ALK: variants seen among roughly 807,000 people sequenced by gnomAD.
ALK encodes the protein ALK tyrosine kinase receptor.
ALK carries 74 observed loss-of-function variants against 163.1 expected under a neutral mutation model. That is an observed-to-expected ratio of 0.45 (90% CI 0.38 to 0.55). The LOEUF (loss-of-function observed/expected upper bound fraction) is 0.55, where lower values mean the gene tolerates loss of function less well. Among genes scored for constraint, ALK ranks in the 20% least tolerant of loss-of-function variants. ALK has a pLI of 0.00. For missense variants in ALK, 2,063 were observed against 2,105.3 expected (o/e 0.98, Z 0.39); for synonymous variants, 960 against 843.2 (o/e 1.14, Z -2.40).
At chr2:29,690,360 A>G (rs530519976) in intron 3 of ALK, among the ~76,000 whole-genome samples, 1 of 152,316 alleles carries the variant, frequency 6.6e-6, no homozygotes, top group South Asian at 2.1e-4. Context: ...CAGGAAGAAT[A>G]GGAGCCTCCT....
chr2:29,726,117 G>A (rs1210859039), intron 1 of ALK, among the ~76,000 whole-genome samples: 3 of 152,086 alleles, frequency 2.0e-5, no homozygotes, highest in Admixed American at 6.5e-5. Flanking sequence ...ATCCAAGACA[G>A]CAAATATCAC....
intron 3 of ALK, among the ~76,000 whole-genome samples, chr2:29,566,295 G>A (rs1193255885): frequency 6.6e-6 from 1 of 152,198 alleles, no homozygotes; most frequent in Admixed American, 6.5e-5. Context: ...CACCGAGTTT[G>A]CCAGAACTTC....
chr2:29,200,765 A>G (rs1558608751), intron 26 of ALK, among the ~76,000 whole-genome samples: 2,160 of 143,506 alleles, frequency 0.015, 86 homozygotes, highest in African/African-American at 0.052. Context: ...ATATATGTAT[A>G]TATATACGTA....
At chr2:29,604,207 T>G (rs897962417) in intron 3 of ALK, among the ~76,000 whole-genome samples, 1 of 138,900 alleles carries the variant, frequency 7.2e-6, no homozygotes, top group African/African-American at 2.6e-5. Flanking sequence ...TGGAAAGAAA[T>G]CAAAAAGAGA....
intron 1 of ALK, among the ~76,000 whole-genome samples, chr2:29,829,654 G>T (rs960324220): frequency 2.0e-5 from 3 of 152,130 alleles, no homozygotes; most frequent in Non-Finnish European, 4.4e-5. Context: ...TCACCTAAGG[G>T]GGGTAAAATA....
At chr2:29,625,990 G>C (rs1168282251) in intron 3 of ALK, among the ~76,000 whole-genome samples, 1 of 152,200 alleles carries the variant, frequency 6.6e-6, no homozygotes, top group Non-Finnish European at 1.5e-5. Context: ...TTTACCAAGA[G>C]AGCAAGATAG....
intron 4 of ALK, among the ~76,000 whole-genome samples, chr2:29,388,437 G>C (rs1669085061): frequency 6.6e-6 from 1 of 152,172 alleles, no homozygotes. Context: ...ATGCCTTTCT[G>C]AGATGGTTTT....
intron 4 of ALK, among the ~76,000 whole-genome samples, chr2:29,451,747 T>A (rs1670825183): frequency 6.6e-6 from 1 of 152,176 alleles, no homozygotes; most frequent in African/African-American, 2.4e-5. Context: ...TGCATATTTG[T>A]CTCCTAAACT....
chr2:29,306,425 T>C (rs115805944), intron 8 of ALK, among the ~76,000 whole-genome samples: 1,788 of 152,296 alleles, frequency 0.012, 37 homozygotes, highest in African/African-American at 0.041. Context: ...ATTGCAAAGA[T>C]TTTCCAGATC....
chr2:29,353,865 T>G (rs1490368243), intron 5 of ALK, among the ~76,000 whole-genome samples: 1 of 152,242 alleles, frequency 6.6e-6, no homozygotes, highest in African/African-American at 2.4e-5. Flanking sequence ...GAATTCTTCA[T>G]GGACATCCCA....
intron 4 of ALK, among the ~76,000 whole-genome samples, chr2:29,529,328 C>T (rs999734374): frequency 1.3e-5 from 2 of 152,214 alleles, no homozygotes; most frequent in Non-Finnish European, 2.9e-5. Flanking sequence ...CCCAAACCAC[C>T]GTCTCCTGTT....
intron 4 of ALK, among the ~76,000 whole-genome samples, chr2:29,402,581 T>C (rs1669474955): frequency 6.6e-6 from 1 of 152,274 alleles, no homozygotes; most frequent in Non-Finnish European, 1.5e-5. Flanking sequence ...AATAGGTTTC[T>C]ATTTTTTGGT....
intron 26 of ALK, among the ~76,000 whole-genome samples, chr2:29,204,213 C>T (rs951735368): frequency 6.6e-5 from 10 of 152,288 alleles, no homozygotes; most frequent in South Asian, 2.1e-4. Context: ...GTGCGATACA[C>T]GTGTTACAAT....
intron 4 of ALK, among the ~76,000 whole-genome samples, chr2:29,483,194 T>C (rs1475824583): frequency 6.6e-6 from 1 of 152,238 alleles, no homozygotes; most frequent in African/African-American, 2.4e-5. Context: ...CTTAGTTCTC[T>C]TAGGTACGAA....
intron 3 of ALK, among the ~76,000 whole-genome samples, chr2:29,613,919 G>C (rs60366068): frequency 0.013 from 2,017 of 152,202 alleles, 38 homozygotes; most frequent in African/African-American, 0.037. Flanking sequence ...GAAAAAGGGG[G>C]GGTTCTACAG....
intron 11 of ALK, among the ~76,000 whole-genome samples, chr2:29,273,191 G>T (rs1376587807): frequency 6.6e-6 from 1 of 152,248 alleles, no homozygotes; most frequent in African/African-American, 2.4e-5. Flanking sequence ...AGAATGGCAA[G>T]AATTGGCTCA....
chr2:29,711,886 A>C (rs1679115158), intron 2 of ALK, among the ~76,000 whole-genome samples: 1 of 152,028 alleles, frequency 6.6e-6, no homozygotes, highest in African/African-American at 2.4e-5. Flanking sequence ...AGTGTTTTGA[A>C]TGGATCTTTT....
intron 1 of ALK, among the ~76,000 whole-genome samples, chr2:29,866,978 G>C (rs551477887): frequency 1.3e-5 from 2 of 152,166 alleles, no homozygotes; most frequent in African/African-American, 4.8e-5. Context: ...TTAACCTTTT[G>C]GCTGAAATAC....
Position 29,335,566 on chromosome 2 carries a change from T to C in ALK, c.1283-7085A>G, listed in dbSNP as rs138663580. Reference sequence around the variant, plus strand: ...GGTCTCACAGCTAGTAAACCACAGATAGGGGCCCAAGACCTGGTGAGATGA... The same window carrying C: ...GGTCTCACAGCTAGTAAACCACAGACAGGGGCCCAAGACCTGGTGAGATGA... On this transcript the variant is annotated intron_variant, in intron 5 of 28. Transcript: ENST00000389048. Among the ~76,000 whole-genome samples, 33 of 152,294 alleles carry C rather than the reference T, an allele frequency of 2.2e-4. No homozygotes were observed. In the East Asian group the frequency reaches 4.8e-3, roughly 22 times the overall value.
Sources: allele counts gnomAD v4.1 joint callset (sites outside exome capture counted in the v4.1 genomes callset), GRCh38; gene constraint gnomAD v4.1.1; transcripts MANE v1.5; gene names NCBI Gene and HGNC (gene_info 2026-07-23, HGNC 2026-07-21).